The following VIPR2 variants were observed in gnomAD, a reference collection of about 807,000 sequenced individuals.
VIPR2 encodes the protein vasoactive intestinal polypeptide receptor 2.
VIPR2 carries 48 observed loss-of-function variants against 58.0 expected under a neutral mutation model. The observed-to-expected ratio is 0.83, with a 90% CI of 0.66 to 1.05. The LOEUF (loss-of-function observed/expected upper bound fraction) is 1.05, where lower values mean the gene tolerates loss of function less well. VIPR2 is among the 50% of genes least tolerant of loss of function. The pLI is 0.00. For missense variants in VIPR2, 534 were observed against 558.0 expected (o/e 0.96, Z 0.43); for synonymous variants, 243 against 235.2 (o/e 1.03, Z -0.30).
At chr7:159,082,483 G>A (rs1415122284) in intron 4 of VIPR2, among the ~76,000 whole-genome samples, 5 of 152,180 alleles carry the variant, frequency 3.3e-5, no homozygotes, top group Admixed American at 3.3e-4. Context: ...TGGGGTCGTG[G>A]GGGAGGGATA....
intron 7 of VIPR2, among the ~76,000 whole-genome samples, chr7:159,036,228 A>G (rs554560919): frequency 3.3e-5 from 5 of 152,322 alleles, no homozygotes; most frequent in Admixed American, 2.0e-4. Flanking sequence ...TGAGAATCTG[A>G]GACTTGCCAT....
intron 2 of VIPR2, among the ~76,000 whole-genome samples, chr7:159,112,431 C>G (rs1563338907): frequency 1.3e-5 from 2 of 152,238 alleles, no homozygotes; most frequent in Non-Finnish European, 2.9e-5. Context: ...CAACAGCTGC[C>G]AGGCGGGAAC....
Position 159,098,152 on chromosome 7 carries a change from C to T in VIPR2, c.357+5605G>A, listed in dbSNP as rs540731927. On this transcript the variant is annotated intron_variant, in intron 4 of 12. Transcript: ENST00000262178. This position sits in a 1 kb window ranked among gnomAD's most constrained non-coding sequence, Gnocchi z 5.2. The stretch of plus-strand genomic sequence containing the variant: ...TCTGTTTTCCACGCAGTGGGAACCC[C>T]GGCCCCCATCCATCAGCACAGAAGA... Among the ~76,000 whole-genome samples the T allele has an allele frequency of 9.8e-5, 15 of 152,302 alleles. No homozygotes were observed. The highest frequency in any genetic ancestry group is 5.2e-4 in the Admixed American group (8 of 15,296).
Position 159,030,342 on chromosome 7 carries a change from C to CT in VIPR2, c.*273_*274insA, listed in dbSNP as rs1853463357. The CT allele has an allele frequency of 5.3e-6, 1 of 188,582 alleles. No homozygotes were observed. The highest frequency in any genetic ancestry group is 4.3e-5 in the African/African-American group (1 of 22,998). 11.7% of individuals were successfully genotyped at this position (188,582 alleles called of 1,614,324 possible). A position where few individuals can be genotyped will look rare whatever the true frequency, so the allele number is the denominator to read the frequency against. On this transcript the variant is annotated 3_prime_UTR_variant, in exon 13 of 13. Transcript: ENST00000262178. ...TGGGCGACAGAGCGAGACTCCGTCT[C>CT]AAAAAAAAAAAAAAAAAAAAAAGTG...
chr7:159,108,650 T>C (rs1417248257), intron 3 of VIPR2, among the ~76,000 whole-genome samples: 1 of 152,242 alleles, frequency 6.6e-6, no homozygotes, highest in African/African-American at 2.4e-5. Flanking sequence ...AGATGGCTTC[T>C]GTCTGGCAGA....
At chr7:159,071,554 A>AGGCCCC (rs1326577468) in intron 4 of VIPR2, among the ~76,000 whole-genome samples, 3 of 152,232 alleles carry the variant, frequency 2.0e-5, no homozygotes, top group Admixed American at 2.0e-4. Flanking sequence ...CCCAAGGCCC[A>AGGCCCC]GGCCCCCTCC....
chr7:159,135,614 G>C (rs1202711219), intron 2 of VIPR2, among the ~76,000 whole-genome samples: 2 of 152,002 alleles, frequency 1.3e-5, no homozygotes, highest in African/African-American at 2.4e-5. Context: ...CCTGAGGTCA[G>C]GAGTTCGAGA....
Position 159,030,272 on chromosome 7 carries a change from G to A in VIPR2, c.*344C>T, listed in dbSNP as rs1364549402. The A allele has an allele frequency of 8.1e-6, 2 of 245,908 alleles. No homozygotes were observed. Among genetic ancestry groups the A allele is most frequent in the Non-Finnish European group, 1.5e-5 (2 of 130,214 alleles). The allele number at this position is 245,908 out of a possible 1,614,324, so 15.2% of individuals were successfully genotyped here. On this transcript the variant is annotated 3_prime_UTR_variant, in exon 13 of 13. Transcript: ENST00000262178. ...GCAGGAGAATGGCGTGAACCCGGGA[G>A]GCGGAGCTTGCAGGGAGCAGAGATC...
intron 4 of VIPR2, among the ~76,000 whole-genome samples, chr7:159,071,009 G>A (rs764420349): frequency 2.0e-5 from 3 of 152,142 alleles, no homozygotes; most frequent in South Asian, 2.1e-4. Context: ...GGTCATTACC[G>A]GCAAGAAATC....
chr7:159,110,680 C>G (rs6459923), intron 2 of VIPR2, among the ~76,000 whole-genome samples: 47,478 of 118,754 alleles, frequency 0.4, 8,176 homozygotes, highest in African/African-American at 0.54. Context: ...AAGCAATGTG[C>G]TAGCCTTGGT....
chr7:159,037,020 C>T (rs113343782), intron 6 of VIPR2, 118 bp from the exon 7 acceptor site: 25 of 1,230,580 alleles, frequency 2.0e-5, no homozygotes, highest in Admixed American at 1.6e-4. Flanking sequence ...AAGGAGACAC[C>T]GGTGCCATTG....
intron 2 of VIPR2, among the ~76,000 whole-genome samples, chr7:159,121,089 C>A (rs563965046): frequency 6.6e-6 from 1 of 152,116 alleles, no homozygotes; most frequent in East Asian, 1.9e-4. Flanking sequence ...AGAGGGGAGG[C>A]GTCTCCCTCC....
chr7:159,105,934 T>C (rs1482439847), intron 3 of VIPR2, among the ~76,000 whole-genome samples: 1 of 152,244 alleles, frequency 6.6e-6, no homozygotes, highest in Admixed American at 6.5e-5. Flanking sequence ...TGCCGGGCTC[T>C]GTGCTTGCAT....
At chr7:159,063,662 C>T (rs1489187730) in intron 4 of VIPR2, among the ~76,000 whole-genome samples, 1 of 149,480 alleles carries the variant, frequency 6.7e-6, no homozygotes, top group African/African-American at 2.5e-5. Context: ...CGAGCGAGGG[C>T]TGCCAGCATG....
At chr7:159,125,172 T>C (rs1229665603) in intron 2 of VIPR2, among the ~76,000 whole-genome samples, 2 of 152,202 alleles carry the variant, frequency 1.3e-5, no homozygotes, top group African/African-American at 2.4e-5. Flanking sequence ...CAATAGCATG[T>C]TGAATAGGAG....
At chr7:159,107,042 C>T (rs542325008) in intron 3 of VIPR2, among the ~76,000 whole-genome samples, 2 of 152,204 alleles carry the variant, frequency 1.3e-5, no homozygotes, top group East Asian at 1.9e-4. Flanking sequence ...AGCACACTCT[C>T]GCCCACTTGC....
intron 4 of VIPR2, among the ~76,000 whole-genome samples, chr7:159,061,453 C>G (rs552589209): frequency 9.9e-5 from 15 of 151,654 alleles, no homozygotes; most frequent in African/African-American, 3.6e-4. Flanking sequence ...TTGAGACCAG[C>G]CTGGGCAACA....
intron 5 of VIPR2, among the ~76,000 whole-genome samples, chr7:159,045,060 C>T (rs7803843): frequency 0.044 from 6,665 of 152,144 alleles, 487 homozygotes; most frequent in African/African-American, 0.15. Context: ...TGTGAGCCAC[C>T]GCACCTGGCC....
Position 159,096,755 on chromosome 7 carries a change from T to C in VIPR2, c.357+7002A>G, listed in dbSNP as rs1857871382. 3 of 1,402,574 alleles carry C rather than the reference T, an allele frequency of 2.1e-6. No homozygotes were observed. Among genetic ancestry groups the C allele is most frequent in the Non-Finnish European group, 2.8e-6 (3 of 1,074,852 alleles). The allele number at this position is 1,402,574 out of a possible 1,614,324, so 86.9% of individuals were successfully genotyped here. A position where few individuals can be genotyped will look rare whatever the true frequency, so the allele number is the denominator to read the frequency against. On this transcript the variant is annotated intron_variant, in intron 4 of 12. Transcript: ENST00000262178. The surrounding 1 kb of genome is among the most constrained non-coding windows in gnomAD (Gnocchi z 5.5). Reference sequence around the variant, plus strand: ...GTGACAGCTGAATGATTTCTGCCTGTGGCCAGATTTCTGCCCCTGCCTGAG... The same window carrying C: ...GTGACAGCTGAATGATTTCTGCCTGCGGCCAGATTTCTGCCCCTGCCTGAG...
Sources: allele counts gnomAD v4.1 joint callset (sites outside exome capture counted in the v4.1 genomes callset), GRCh38; gene constraint gnomAD v4.1.1; non-coding constraint Gnocchi (gnomAD v3.1); transcripts MANE v1.5; gene names NCBI Gene and HGNC (gene_info 2026-07-23, HGNC 2026-07-21).